KIF6: variants seen among roughly 807,000 people sequenced by gnomAD.
KIF6 encodes the protein kinesin-like protein KIF6.
In KIF6, 106 loss-of-function variants were observed where a neutral mutation model predicts 112.7. The ratio of observed to expected loss-of-function variants is 0.94; its 90% CI spans 0.80 to 1.11. KIF6 has a LOEUF of 1.11. Ranked by LOEUF, KIF6 falls within the 50% of genes least tolerant of loss-of-function variation. The probability of loss-of-function intolerance (pLI) is 0.00; values close to 1 mark genes in which losing one functional copy is unlikely to be tolerated. For missense variants in KIF6, 929 were observed against 964.0 expected (o/e 0.96, Z 0.48); for synonymous variants, 339 against 339.9 (o/e 1.00, Z 0.03).
intron 16 of KIF6, among the ~76,000 whole-genome samples, chr6:39,384,364 C>G (rs1050679422): frequency 2.6e-5 from 4 of 152,160 alleles, no homozygotes; most frequent in African/African-American, 9.7e-5. Context: ...CCAAGCCTGG[C>G]CCAAGGAGTT....
chr6:39,597,335 T>A (rs1002998625), intron 6 of KIF6, among the ~76,000 whole-genome samples: 3 of 152,182 alleles, frequency 2.0e-5, no homozygotes, highest in Non-Finnish European at 4.4e-5. Flanking sequence ...AAAGTAATTC[T>A]GTGAAAGAAT....
At chr6:39,463,357 A>G (rs1216156660) in intron 13 of KIF6, among the ~76,000 whole-genome samples, 2 of 152,044 alleles carry the variant, frequency 1.3e-5, no homozygotes, top group African/African-American at 4.8e-5. Context: ...ATCCAATCAA[A>G]TTTCTCTGAA....
chr6:39,703,803 G>C (rs1223059087), intron 3 of KIF6, among the ~76,000 whole-genome samples: 2 of 152,112 alleles, frequency 1.3e-5, no homozygotes, highest in African/African-American at 4.8e-5. Context: ...TTTTGCTTTT[G>C]CCAGTCAATT....
rs562308450 is a variant in KIF6 at position 39,578,004 on chromosome 6, T to C, written c.1181+52A>G. ...ATAACATTAGGGCCAACAAAGAAGT[T>C]AACACAAACTTTCACTGTTAAAGAA... On this transcript the variant is annotated intron_variant, in intron 10 of 22. Transcript: ENST00000287152. 127 of 1,243,776 alleles carry C rather than the reference T, an allele frequency of 1.0e-4. 2 individuals are homozygous for C. In the Admixed American group the frequency reaches 1.7e-3, roughly 16 times the overall value. 77.0% of individuals were successfully genotyped at this position (1,243,776 alleles called of 1,614,324 possible).
At chr6:39,415,903 T>A (rs865807735) in intron 15 of KIF6, among the ~76,000 whole-genome samples, 7 of 152,178 alleles carry the variant, frequency 4.6e-5, no homozygotes, top group Non-Finnish European at 7.3e-5. Context: ...TCCAGAATAT[T>A]TTGCTAGCTT....
At chr6:39,669,116 T>C (rs967095563) in intron 3 of KIF6, among the ~76,000 whole-genome samples, 2 of 152,206 alleles carry the variant, frequency 1.3e-5, no homozygotes, top group Admixed American at 1.3e-4. Context: ...CTTAGATATC[T>C]TGCAGAGTTG....
At chr6:39,406,781 C>T (rs528168941) in intron 15 of KIF6, among the ~76,000 whole-genome samples, 1 of 152,354 alleles carries the variant, frequency 6.6e-6, no homozygotes, top group African/African-American at 2.4e-5. Context: ...CAAGTTCTCA[C>T]TCTCTTACCC....
intron 16 of KIF6, among the ~76,000 whole-genome samples, chr6:39,379,335 T>A (rs1042675389): frequency 2.0e-5 from 3 of 152,204 alleles, no homozygotes; most frequent in Non-Finnish European, 2.9e-5. Flanking sequence ...AAATGTCTCA[T>A]TGTGCTTTTG....
At chr6:39,676,544 C>T (rs1787150809) in intron 3 of KIF6, among the ~76,000 whole-genome samples, 1 of 151,986 alleles carries the variant, frequency 6.6e-6, no homozygotes, top group South Asian at 2.1e-4. Context: ...ATAAGCTAAA[C>T]ATGCACAGAT....
At chr6:39,672,361 C>T (rs1278821926) in intron 3 of KIF6, among the ~76,000 whole-genome samples, 1 of 152,120 alleles carries the variant, frequency 6.6e-6, no homozygotes, top group Non-Finnish European at 1.5e-5. Flanking sequence ...GCCATAGTTT[C>T]CAAGAACATA....
chr6:39,582,340 C>T (rs1781341152), intron 9 of KIF6, among the ~76,000 whole-genome samples: 1 of 152,116 alleles, frequency 6.6e-6, no homozygotes, highest in Non-Finnish European at 1.5e-5. Context: ...CAGGCTCTGG[C>T]CTTGTTCATA....
chr6:39,433,310 G>A (rs904716543), intron 13 of KIF6, among the ~76,000 whole-genome samples: 1 of 152,268 alleles, frequency 6.6e-6, no homozygotes, highest in Non-Finnish European at 1.5e-5. Context: ...AGGACGTGGA[G>A]GGCACAGAGG....
chr6:39,724,430 G>T (rs1790412241), intron 1 of KIF6, among the ~76,000 whole-genome samples: 1 of 148,152 alleles, frequency 6.7e-6, no homozygotes, highest in Non-Finnish European at 1.5e-5. Flanking sequence ...TTCAGTCTGG[G>T]TGGCAGAGCG....
chr6:39,649,525 G>A (rs1296806557), intron 3 of KIF6, among the ~76,000 whole-genome samples: 1 of 152,148 alleles, frequency 6.6e-6, no homozygotes, highest in Non-Finnish European at 1.5e-5. Flanking sequence ...AGCTAGCAGA[G>A]CATTTGTTTG....
At chr6:39,542,177 GA>G (rs1561792648) in intron 12 of KIF6, among the ~76,000 whole-genome samples, 1 of 152,156 alleles carries the variant, frequency 6.6e-6, no homozygotes. Flanking sequence ...AGACTTTAAT[GA>G]GAATAATGAT....
At chr6:39,468,901 T>C (rs1773959516) in intron 13 of KIF6, among the ~76,000 whole-genome samples, 1 of 152,094 alleles carries the variant, frequency 6.6e-6, no homozygotes, top group Non-Finnish European at 1.5e-5. Context: ...TTGTGGAAAC[T>C]ATAACATATA....
intron 6 of KIF6, among the ~76,000 whole-genome samples, chr6:39,596,564 AAC>A (rs1164330199): frequency 1.2e-4 from 18 of 152,214 alleles, no homozygotes; most frequent in Non-Finnish European, 1.6e-4. Flanking sequence ...TCCATGCATT[AAC>A]CTTGGCTTAA....
At chr6:39,472,835 C>T (rs1470589831) in intron 13 of KIF6, among the ~76,000 whole-genome samples, 1 of 151,790 alleles carries the variant, frequency 6.6e-6, no homozygotes. Flanking sequence ...TCACCAGATT[C>T]TTCAATAACA....
intron 15 of KIF6, among the ~76,000 whole-genome samples, chr6:39,398,758 A>T (rs1768463148): frequency 6.6e-6 from 1 of 152,248 alleles, no homozygotes; most frequent in South Asian, 2.1e-4. Context: ...AGATTAAAAA[A>T]TATCTTCATA....
Sources: allele counts gnomAD v4.1 joint callset (sites outside exome capture counted in the v4.1 genomes callset), GRCh38; gene constraint gnomAD v4.1.1; transcripts MANE v1.5; gene names NCBI Gene and HGNC (gene_info 2026-07-23, HGNC 2026-07-21).